NUCB2: variants seen among roughly 807,000 people sequenced by gnomAD.
The protein encoded by NUCB2 is nucleobindin 2, also known as nucleobindin-2.
In NUCB2, 48 loss-of-function variants were observed where a neutral mutation model predicts 57.9. The ratio of observed to expected loss-of-function variants is 0.83; its 90% CI spans 0.66 to 1.05. The LOEUF (loss-of-function observed/expected upper bound fraction) is 1.05, where lower values mean the gene tolerates loss of function less well. NUCB2 is among the 50% of genes least tolerant of loss of function. The probability of loss-of-function intolerance (pLI) is 0.00; values close to 1 mark genes in which losing one functional copy is unlikely to be tolerated. For missense variants in NUCB2, 442 were observed against 476.2 expected, an observed-to-expected ratio of 0.93 and a Z score of 0.67; for synonymous variants, 139 against 152.1, an observed-to-expected ratio of 0.91 and a Z score of 0.64.
At chr11:17,293,693 G>C (rs1945327771) in intron 2 of NUCB2, among the ~76,000 whole-genome samples, 1 of 152,154 alleles carries the variant, frequency 6.6e-6, no homozygotes, top group Admixed American at 6.6e-5. Flanking sequence ...GTATACAATG[G>C]ACTATCTATT....
At chr11:17,286,971 G>T (rs569052029) in intron 2 of NUCB2, among the ~76,000 whole-genome samples, 65 of 152,022 alleles carry the variant, frequency 4.3e-4, no homozygotes, top group Non-Finnish European at 7.9e-4. Context: ...TTAAGAATTA[G>T]AGTCAGTGTT....
chr11:17,289,177 T>G (rs1944513860), intron 2 of NUCB2, among the ~76,000 whole-genome samples: 1 of 151,844 alleles, frequency 6.6e-6, no homozygotes, highest in African/African-American at 2.4e-5. Flanking sequence ...AGGTTGGTCT[T>G]GAACTCCTAA....
downstream of NUCB2, among the ~76,000 whole-genome samples, chr11:17,335,622 C>T (rs1273212766): frequency 1.3e-5 from 2 of 152,158 alleles, no homozygotes; most frequent in African/African-American, 4.8e-5. Flanking sequence ...CGGCCTTAGC[C>T]TCCCAAGTAG....
chr11:17,291,611 A>C (rs1175541457), intron 2 of NUCB2, among the ~76,000 whole-genome samples: 1 of 151,460 alleles, frequency 6.6e-6, no homozygotes, highest in Non-Finnish European at 1.5e-5. Flanking sequence ...TTTGGCTTTG[A>C]AATGGCAGTC....
chr11:17,347,825 C>A (rs1345322428), intron 2 of NUCB2, among the ~76,000 whole-genome samples: 1 of 152,156 alleles, frequency 6.6e-6, no homozygotes, highest in Non-Finnish European at 1.5e-5. Context: ...GGCTCTCAAT[C>A]TGCATTTGTC....
At chr11:17,311,956 T>C (rs886539008) in intron 9 of NUCB2, 26 bp downstream of exon 9, 1 of 1,542,738 alleles carries the variant, frequency 6.5e-7, no homozygotes, top group Non-Finnish European at 8.8e-7. Flanking sequence ...AAGTATTCAG[T>C]GTTCTTGTTC....
At chr11:17,329,152 T>A (rs918663264) in intron 11 of NUCB2, among the ~76,000 whole-genome samples, 1 of 152,180 alleles carries the variant, frequency 6.6e-6, no homozygotes, top group Non-Finnish European at 1.5e-5. Flanking sequence ...ATGGCTTAGC[T>A]GGTATCCAAG....
intron 11 of NUCB2, among the ~76,000 whole-genome samples, chr11:17,326,729 G>C (rs11525338): frequency 0.22 from 33,135 of 152,112 alleles, 4,692 homozygotes; most frequent in East Asian, 0.51. Context: ...CTTAAGTCAA[G>C]AGAAGTTTAT....
intron 11 of NUCB2, among the ~76,000 whole-genome samples, chr11:17,324,013 C>T (rs191721567): frequency 1.3e-3 from 203 of 152,122 alleles, no homozygotes; most frequent in African/African-American, 4.6e-3. Context: ...TTCAAAAAAC[C>T]AACTTTTTGT....
chr11:17,328,740 C>T (rs775025475), intron 11 of NUCB2, among the ~76,000 whole-genome samples: 2 of 152,152 alleles, frequency 1.3e-5, no homozygotes, highest in Non-Finnish European at 2.9e-5. Flanking sequence ...GAAATGCTGT[C>T]CAAGAGCCAA....
chr11:17,282,202 A>G (rs1228479750), intron 1 of NUCB2, among the ~76,000 whole-genome samples: 2 of 144,430 alleles, frequency 1.4e-5, no homozygotes, highest in Middle Eastern at 3.6e-3. Context: ...ATCTATATCT[A>G]TATATCTATA....
At chr11:17,278,153 A>G (rs1591127160) in intron 1 of NUCB2, among the ~76,000 whole-genome samples, 1 of 144,170 alleles carries the variant, frequency 6.9e-6, no homozygotes, top group Non-Finnish European at 1.5e-5. Flanking sequence ...GCTCTTCTCT[A>G]TCCAAATTTT....
At chr11:17,311,966 C>G in intron 9 of NUCB2, 36 bp downstream of exon 9, 1 of 1,542,308 alleles carries the variant, frequency 6.5e-7, no homozygotes, top group Non-Finnish European at 8.8e-7. Flanking sequence ...TGTTCTTGTT[C>G]TCTCTCTTTT....
At chr11:17,294,451 G>C (rs770432721) in intron 2 of NUCB2, among the ~76,000 whole-genome samples, 1 of 152,042 alleles carries the variant, frequency 6.6e-6, no homozygotes, top group Non-Finnish European at 1.5e-5. Context: ...ATGACGTGAA[G>C]TATATCTCAA....
intron 11 of NUCB2, among the ~76,000 whole-genome samples, chr11:17,318,091 T>G (rs1023184580): frequency 6.8e-6 from 1 of 146,838 alleles, no homozygotes; most frequent in Non-Finnish European, 1.5e-5. Flanking sequence ...TCTGCCCCCA[T>G]CCCCCTCAAC....
chr11:17,281,634 A>G (rs917383685), intron 1 of NUCB2, among the ~76,000 whole-genome samples: 14 of 150,478 alleles, frequency 9.3e-5, no homozygotes, highest in Admixed American at 3.4e-4. Context: ...TAGGAAAATC[A>G]AGACTCAGAG....
At position 17,348,319 on chromosome 11, in the gene NUCB2, GTTTTTTT is replaced by G. The variant is rs55741571; in HGVS notation, n.2627-1000_2627-994del. On this transcript the variant is annotated intron_variant and non_coding_transcript_variant, in intron 2 of 2. Transcript: ENST00000532240. ...TGAGGTGTTTTTTGTTTGTTTTTGT[GTTTTTTT>G]TTTTTTTTTTTTTTTTTTTTTTTTT... 1.4e-3 allele frequency among the ~76,000 whole-genome samples: 121 copies of G among 84,464 alleles called. 1 individual carries two copies. The East Asian group carries it at 0.027, about 19-fold the overall frequency. 55.4% of individuals were successfully genotyped at this position (84,464 alleles called of 152,430 possible).
At position 17,310,809 on chromosome 11, in the gene NUCB2, C is replaced by T. The variant is rs1377066953; in HGVS notation, c.484-16C>T. On this transcript the variant is annotated splice_polypyrimidine_tract_variant and intron_variant, in intron 6 of 13. Coordinates refer to ENST00000529010, the MANE Select transcript of NUCB2 (RefSeq NM_005013.4). ...TGAATGTTTTTATTTAACTTAAATG[C>T]ATTATTGCATTTCAGGCAACAAGTG... The T allele has an allele frequency of 4.5e-6, 7 of 1,554,376 alleles. No homozygotes were observed. Among genetic ancestry groups the T allele is most frequent in the South Asian group, 2.4e-5 (2 of 82,208 alleles).
chr11:17,282,257 TA>T (rs1435381155), intron 1 of NUCB2, among the ~76,000 whole-genome samples: 247 of 86,890 alleles, frequency 2.8e-3, no homozygotes, highest in South Asian at 5.1e-3. Flanking sequence ...TATATATATA[TA>T]TTTTTTTTTT....
Sources: allele counts gnomAD v4.1 joint callset (sites outside exome capture counted in the v4.1 genomes callset), GRCh38; gene constraint gnomAD v4.1.1; transcripts MANE v1.5; gene names NCBI Gene and HGNC (gene_info 2026-07-23, HGNC 2026-07-21).